Variants in NF1 observed in about 807,000 individuals in gnomAD.
NF1 encodes neurofibromin.
NF1 carries 122 observed loss-of-function variants against 325.7 expected under a neutral mutation model. The ratio of observed to expected loss-of-function variants is 0.37; its 90% CI spans 0.32 to 0.44. NF1 has a LOEUF of 0.44. NF1 is among the 20% of genes least tolerant of loss of function. The pLI is 1.00. For synonymous variants in NF1, 1,091 were observed against 1,186.0 expected, an observed-to-expected ratio of 0.92 and a Z score of 1.65; for missense variants, 2,140 against 3,415.4, an observed-to-expected ratio of 0.63 and a Z score of 9.31.
intron 1 of NF1, chr17:31,137,649 G>T (rs1430351301): frequency 6.6e-6 from 1 of 150,990 alleles, no homozygotes; most frequent in Admixed American, 6.6e-5. Flanking sequence ...CCTATTGCTT[G>T]TCTCCTGTGT....
intron 5 of NF1, among the ~76,000 whole-genome samples, chr17:31,172,445 A>G (rs764495948): frequency 9.2e-5 from 14 of 152,140 alleles, no homozygotes; most frequent in Non-Finnish European, 1.2e-4. Flanking sequence ...AGATCTGTCT[A>G]TAGATATATC....
Position 31,219,004 on chromosome 17 carries a change from G to A in NF1, c.1528-1G>A, listed in dbSNP as rs876660595. On this transcript the variant is annotated splice_acceptor_variant, in intron 13 of 57. Coordinates refer to ENST00000358273, the MANE Select transcript of NF1 (RefSeq NM_001042492.3). LOFTEE classifies it high-confidence loss of function. ...TTGAAGTTTCCTTTTTTTCCTTGCA[G>A]AATCCAAGAAAACAGGGGCCCGAAA... 1.2e-6 allele frequency: 2 copies of A among 1,611,138 alleles called. No individual in the cohort carries two copies. The highest frequency in any genetic ancestry group is 2.2e-5 in the East Asian group (1 of 44,822).
rs1180482426 is a variant in NF1, at chr17:31,206,402, C to T, written c.1392+31C>T. On this transcript the variant is annotated intron_variant, in intron 12 of 57. Transcript: ENST00000358273. ...ATAAATCACGAATTTTGAATCTCAC[C>T]TCCTTTCTATTGCATTTTTTTTAGT... 2.5e-6 allele frequency: 4 copies of T among 1,612,504 alleles called. No homozygotes were observed. In the African/African-American group the frequency reaches 4.0e-5, roughly 16 times the overall value.
chr17:31,244,418 C>A (rs2067355929), intron 29 of NF1, among the ~76,000 whole-genome samples: 1 of 151,962 alleles, frequency 6.6e-6, no homozygotes, highest in African/African-American at 2.4e-5. Flanking sequence ...CCTAGACTGC[C>A]TTTCAAGTTT....
intron 5 of NF1, among the ~76,000 whole-genome samples, chr17:31,177,136 A>C (rs2066038596): frequency 6.6e-6 from 1 of 152,138 alleles, no homozygotes. Context: ...CCTATCGATG[A>C]GCATGGAATG....
In NF1 at chr17:31,349,171, A is replaced by G. The variant is rs876659855; in HGVS notation, c.7241A>G (p.His2414Arg). The G allele has an allele frequency of 1.2e-6, 2 of 1,612,266 alleles. No homozygotes were observed. The highest frequency in any genetic ancestry group is 1.7e-6 in the Non-Finnish European group (2 of 1,179,076). ...AIVARTVRIL[H>R]TLLTLVNKHR... is the part of the protein sequence containing the mutation. ...GTTGCAAGAACAGTCAGAATTTTAC[A>G]TACACTACTAACTCTGGTTAACAAA... The change falls in exon 49 of 58, where the codon CAT (histidine) becomes CGT (arginine). Residue 2414 changes from histidine to arginine, a missense_variant. Around this residue, in one of 10 missense-constraint regions of NF1, gnomAD observed 522 missense variants for 749.0 expected, o/e 0.70. Coordinates refer to ENST00000358273, the MANE Select transcript of NF1 (RefSeq NM_001042492.3).
intron 1 of NF1, among the ~76,000 whole-genome samples, chr17:31,126,238 C>T (rs1489575679): frequency 6.6e-6 from 1 of 152,056 alleles, no homozygotes; most frequent in African/African-American, 2.4e-5. Context: ...AATGTTGTTT[C>T]ATTGTAATTT....
intron 1 of NF1, among the ~76,000 whole-genome samples, chr17:31,123,470 G>A (rs1417729374): frequency 1.3e-5 from 2 of 152,016 alleles, no homozygotes; most frequent in African/African-American, 4.8e-5. Flanking sequence ...TTATTTTGTA[G>A]AGACAGGGTC....
At chr17:31,183,789 AAG>A (rs2066181421) in intron 8 of NF1, among the ~76,000 whole-genome samples, 1 of 151,926 alleles carries the variant, frequency 6.6e-6, no homozygotes, top group Non-Finnish European at 1.5e-5. Context: ...AAAATGTGAA[AAG>A]AGAGACGGGC....
chr17:31,172,098 C>T (rs1658028966), intron 5 of NF1, among the ~76,000 whole-genome samples: 1 of 152,036 alleles, frequency 6.6e-6, no homozygotes, highest in South Asian at 2.1e-4. Context: ...CATGTAATCC[C>T]CACACTTTGG....
intron 16 of NF1, among the ~76,000 whole-genome samples, chr17:31,224,157 C>G (rs1404335606): frequency 3.3e-5 from 5 of 152,132 alleles, no homozygotes; most frequent in Non-Finnish European, 7.4e-5. Flanking sequence ...GGTTTCACCT[C>G]TTGAAAATAT....
chr17:31,262,310 G>T (rs1452428728), intron 35 of NF1, among the ~76,000 whole-genome samples: 2 of 152,056 alleles, frequency 1.3e-5, no homozygotes, highest in Non-Finnish European at 2.9e-5. Flanking sequence ...TCAGATTAAG[G>T]TTCAGAAAAT....
intron 36 of NF1, among the ~76,000 whole-genome samples, chr17:31,312,953 T>A (rs747295775): frequency 1.3e-5 from 2 of 152,168 alleles, no homozygotes; most frequent in South Asian, 4.1e-4. Flanking sequence ...TTCTATCTTA[T>A]ACTATGTTCT....
At chr17:31,319,454 T>C (rs1056135576) in intron 36 of NF1, among the ~76,000 whole-genome samples, 2 of 152,112 alleles carry the variant, frequency 1.3e-5, no homozygotes, top group Non-Finnish European at 2.9e-5. Flanking sequence ...AGAAGAAATG[T>C]GGCCTTGAGC....
chr17:31,344,084 TAA>T (rs1448683926), intron 48 of NF1, among the ~76,000 whole-genome samples: 3 of 150,026 alleles, frequency 2.0e-5, no homozygotes, highest in Non-Finnish European at 2.9e-5. Context: ...TGCAAATCAC[TAA>T]GTGTTATTTG....
chr17:31,337,396 T>C lies in NF1; in HGVS notation c.6456T>C (p.Ser2152=), dbSNP rs776897972. ...SEETKQVLRL[S]LTEFSLPKFY... is the part of the protein sequence containing the mutation. The stretch of plus-strand genomic sequence containing the variant: ...AGACCAAGCAAGTTTTGAGACTCAG[T>C]CTGACAGAGTTCTCATTACCCAAAT... Residue 2152 remains serine (S), a synonymous_variant, in exon 43 of 58, where the codon AGT becomes AGC. Coordinates refer to ENST00000358273, the MANE Select transcript of NF1 (RefSeq NM_001042492.3). The C allele has an allele frequency of 1.2e-6, 2 of 1,614,132 alleles. No individual in the cohort carries two copies. The highest frequency in any genetic ancestry group is 4.5e-5 in the East Asian group (2 of 44,884).
chr17:31,220,479 A>G (rs1455029306), intron 14 of NF1, among the ~76,000 whole-genome samples: 1 of 152,142 alleles, frequency 6.6e-6, no homozygotes, highest in Non-Finnish European at 1.5e-5. Flanking sequence ...TCAAAAGGAA[A>G]AAGCTGCACA....
At chr17:31,249,808 C>CTAAAT in intron 30 of NF1, 1 of 356,040 alleles carries the variant, frequency 2.8e-6, no homozygotes, top group South Asian at 2.3e-5. Context: ...TTATTTATTC[C>CTAAAT]AAGGGAGGTC....
intron 11 of NF1, among the ~76,000 whole-genome samples, chr17:31,203,594 G>A (rs1214392129): frequency 6.6e-6 from 1 of 152,056 alleles, no homozygotes; most frequent in Non-Finnish European, 1.5e-5. Context: ...CTATTTTAGA[G>A]TTTCATTTGA....
Sources: allele counts gnomAD v4.1 joint callset (sites outside exome capture counted in the v4.1 genomes callset), GRCh38; gene constraint gnomAD v4.1.1; regional missense constraint gnomAD v4.1.1; transcripts MANE v1.5; gene names NCBI Gene and HGNC (gene_info 2026-07-23, HGNC 2026-07-21).